The following SLC7A7 variants were observed in gnomAD, a reference collection of about 807,000 sequenced individuals.
SLC7A7 encodes solute carrier family 7 member 7.
Under a neutral mutation model 47.9 loss-of-function variants are expected in SLC7A7, and 39 were observed. The ratio of observed to expected loss-of-function variants is 0.81; its 90% CI spans 0.63 to 1.06. The LOEUF (loss-of-function observed/expected upper bound fraction) is 1.06. SLC7A7 is among the 50% of genes least tolerant of loss of function. The pLI, the probability that SLC7A7 is intolerant of heterozygous loss-of-function variation, is 0.00. For missense variants in SLC7A7, 588 were observed against 632.0 expected, an observed-to-expected ratio of 0.93 and a Z score of 0.75; for synonymous variants, 234 against 242.8, an observed-to-expected ratio of 0.96 and a Z score of 0.34.
At chr14:22,783,957 G>C (rs2038766478) in intron 2 of SLC7A7, among the ~76,000 whole-genome samples, 1 of 152,216 alleles carries the variant, frequency 6.6e-6, no homozygotes, top group Non-Finnish European at 1.5e-5. Context: ...AGGGCCTCTT[G>C]ACTGTGGGAG....
rs747823656 is a variant in SLC7A7 at position 22,778,856 on chromosome 14, A to T, written c.707T>A (p.Leu236Gln). 6.2e-7 allele frequency: 1 copy of T among 1,614,236 alleles called. No individual in the cohort carries two copies. Among genetic ancestry groups the T allele is most frequent in the Admixed American group, 1.7e-5 (1 of 60,032 alleles). ...GGTGTCCCAGCCTGAGTAGGAGAAC[A>T]GAGCTGAGTACAGTGCCAGGGCAAT... ...GDIALALYSA[L>Q]FSYSGWDTLN... Residue 236 changes from leucine (L) to glutamine (Q), a missense_variant, in exon 4 of 10, where the codon CTG becomes CAG. Physicochemically the swap from Leu to Gln is moderately radical, Grantham distance 113. Transcript: ENST00000674313.
chr14:22,775,023 C>G (rs1196697312), intron 7 of SLC7A7, among the ~76,000 whole-genome samples: 2 of 152,284 alleles, frequency 1.3e-5, no homozygotes, highest in South Asian at 4.1e-4. Context: ...TAAAGCCCAT[C>G]TCTACCATTT....
intron 2 of SLC7A7, among the ~76,000 whole-genome samples, chr14:22,784,421 C>G (rs2038776554): frequency 1.3e-5 from 2 of 152,052 alleles, no homozygotes; most frequent in Admixed American, 1.3e-4. Flanking sequence ...AGATCGAGAC[C>G]ATCCTGGCCA....
intron 2 of SLC7A7, among the ~76,000 whole-genome samples, chr14:22,808,318 T>A (rs186871659): frequency 6.6e-6 from 1 of 152,384 alleles, no homozygotes; most frequent in East Asian, 1.9e-4. Context: ...TTCTTTGTTT[T>A]TCAGCACTAA....
At chr14:22,795,636 A>G (rs201429410) in intron 2 of SLC7A7, among the ~76,000 whole-genome samples, 1 of 151,694 alleles carries the variant, frequency 6.6e-6, no homozygotes, top group Admixed American at 6.6e-5. Context: ...CACCACACCC[A>G]GCTAATTTTT....
At chr14:22,802,052 T>G (rs1221700191) in intron 2 of SLC7A7, among the ~76,000 whole-genome samples, 1 of 152,184 alleles carries the variant, frequency 6.6e-6, no homozygotes. Context: ...CAGTAAATGA[T>G]ATCACTGCCT....
In SLC7A7 at chr14:22,773,308, G is replaced by T; in HGVS notation, c.*302C>A. ...GAGACAGGAAATTGGAGCATTGTGG[G>T]CCCTTTTAAAAGAAAAGAGGAGTAG... On this transcript the variant is annotated 3_prime_UTR_variant, in exon 10 of 10. Transcript: ENST00000674313. 1 of 506,588 alleles carries T rather than the reference G, an allele frequency of 2.0e-6. No homozygotes were observed. The highest frequency in any genetic ancestry group is 3.8e-6 in the Non-Finnish European group (1 of 262,272). 31.4% of individuals were successfully genotyped at this position (506,588 alleles called of 1,614,324 possible).
rs534895092 is a variant in SLC7A7, at chr14:22,805,922, C to A, written c.499+6978G>T. Among the ~76,000 whole-genome samples the A allele has an allele frequency of 4.1e-3, 625 of 152,078 alleles. 3 individuals carry two copies. Among genetic ancestry groups the A allele is most frequent in the Middle Eastern group, 6.9e-3 (2 of 290 alleles). On this transcript the variant is annotated intron_variant, in intron 2 of 9. Coordinates refer to ENST00000674313, the MANE Select transcript of SLC7A7 (RefSeq NM_003982.4). ...CTTTGGGAGGCTGAGGCGGGCAGAT[C>A]ACGAGGTCAGGAGATTGAGACCATC... is the stretch of plus-strand genomic sequence containing the variant.
intron 4 of SLC7A7, 90 bp from the exon 5 acceptor site, chr14:22,776,408 C>A: frequency 2.6e-6 from 4 of 1,536,872 alleles, no homozygotes; most frequent in South Asian, 1.1e-5. Context: ...CCACACCGGT[C>A]TTTCCAGGGA....
chr14:22,802,493 A>C (rs2139438791), intron 2 of SLC7A7, among the ~76,000 whole-genome samples: 1 of 152,276 alleles, frequency 6.6e-6, no homozygotes, highest in South Asian at 2.1e-4. Flanking sequence ...TGGATTATAG[A>C]TAGGCACAGC....
intron 2 of SLC7A7, among the ~76,000 whole-genome samples, chr14:22,801,855 C>T (rs571292666): frequency 1.2e-4 from 18 of 152,348 alleles, no homozygotes; most frequent in Non-Finnish European, 2.4e-4. Flanking sequence ...CGGTCACACA[C>T]ACCCACGCAC....
chr14:22,776,354 A>G, intron 4 of SLC7A7, 36 bp from the exon 5 acceptor site: 3 of 1,614,052 alleles, frequency 1.9e-6, no homozygotes, highest in Non-Finnish European at 2.5e-6. Flanking sequence ...CATTAGTCCC[A>G]CAGTCATATC....
At chr14:22,800,299 T>C (rs1299776025) in intron 2 of SLC7A7, among the ~76,000 whole-genome samples, 1 of 152,234 alleles carries the variant, frequency 6.6e-6, no homozygotes, top group Non-Finnish European at 1.5e-5. Context: ...GTGCAATAGA[T>C]TGGAGTTTTC....
chr14:22,775,928 T>C lies in SLC7A7; in HGVS notation c.903A>G (p.Ala301=), dbSNP rs2038595413. The part of the protein sequence containing the change: ...LASDAVAVTF[A]DQIFGIFNWI... ...AGTTAAATATTCCAAATATCTGATC[T>C]GCAAAAGTCTAAGGGAAAAGAATGG... The change falls in exon 6 of 10, where the codon GCA becomes GCG. Residue 301 remains alanine (A), a synonymous_variant. Transcript: ENST00000674313. 2.5e-6 allele frequency: 4 copies of C among 1,612,676 alleles called. No homozygotes were observed. Among genetic ancestry groups the C allele is most frequent in the Non-Finnish European group, 2.5e-6 (3 of 1,178,746 alleles).
chr14:22,817,084 T>C (rs1271890173), upstream of SLC7A7, among the ~76,000 whole-genome samples: 4 of 151,534 alleles, frequency 2.6e-5, no homozygotes, highest in African/African-American at 9.7e-5. Context: ...TATCTCTCCA[T>C]CTCCCCATCC....
intron 2 of SLC7A7, among the ~76,000 whole-genome samples, chr14:22,805,910 AG>A (rs1728302052): frequency 6.6e-6 from 1 of 152,130 alleles, no homozygotes; most frequent in African/African-American, 2.4e-5. Flanking sequence ...TGGGAGGCTG[AG>A]GCGGGCAGAT....
intron 1 of SLC7A7, 190 bp downstream of exon 1, chr14:22,815,130 C>G (rs2138668965): frequency 2.9e-6 from 1 of 348,722 alleles, no homozygotes; most frequent in Non-Finnish European, 5.7e-6. Context: ...ACAGCTGCAG[C>G]CAGGCAGCAC....
At chr14:22,781,465 C>A (rs565283070) in intron 2 of SLC7A7, among the ~76,000 whole-genome samples, 43 of 152,172 alleles carry the variant, frequency 2.8e-4, no homozygotes, top group Non-Finnish European at 6.0e-4. Context: ...AGGCACATTC[C>A]TGTCCTATAT....
chr14:22,784,809 C>T (rs548494327), intron 2 of SLC7A7, among the ~76,000 whole-genome samples: 145 of 152,222 alleles, frequency 9.5e-4, no homozygotes, highest in Non-Finnish European at 1.7e-3. Flanking sequence ...GCTTGCAGGC[C>T]CACTCTGGAT....
Sources: gnomAD v4.1 joint callset for allele counts (sites outside exome capture counted in the v4.1 genomes callset) on GRCh38, gnomAD v4.1.1 for gene constraint, MANE v1.5 for transcripts, NCBI Gene and HGNC (gene_info 2026-07-23, HGNC 2026-07-21) for gene names.